Variants in SNX31 observed in about 807,000 individuals in gnomAD.
The protein encoded by SNX31 is sorting nexin-31.
In SNX31, 58 loss-of-function variants were observed where a neutral mutation model predicts 65.4. The ratio of observed to expected loss-of-function variants is 0.89; its 90% CI spans 0.72 to 1.10. The LOEUF is 1.10. SNX31 is among the 50% of genes least tolerant of loss of function. The pLI is 0.00. For missense variants in SNX31, 523 were observed against 529.7 expected, an observed-to-expected ratio of 0.99 and a Z score of 0.12; for synonymous variants, 181 against 190.1, an observed-to-expected ratio of 0.95 and a Z score of 0.39.
At chr8:100,598,280 AG>A (rs1447202019) in intron 9 of SNX31, among the ~76,000 whole-genome samples, 1 of 152,212 alleles carries the variant, frequency 6.6e-6, no homozygotes, top group Non-Finnish European at 1.5e-5. Flanking sequence ...CAGAAAGGAC[AG>A]GTTGTAAGTA....
chr8:100,625,515 G>A lies in SNX31; in HGVS notation c.321+4812C>T, dbSNP rs1817987687. ...TTCAACTCAATTCAACTCAAAAAGA[G>A]CACATATTTTGAAAAGTGTTAAGGT... On this transcript the variant is annotated intron_variant, in intron 4 of 13. Coordinates refer to ENST00000311812, the MANE Select transcript of SNX31 (RefSeq NM_152628.4). The surrounding 1 kb of genome is among the most constrained non-coding windows in gnomAD (Gnocchi z 4.2). 6.6e-6 allele frequency among the ~76,000 whole-genome samples: 1 copy of A among 152,124 alleles called. No individual in the cohort carries two copies. Among genetic ancestry groups the A allele is most frequent in the Non-Finnish European group, 1.5e-5 (1 of 68,036 alleles).
upstream of SNX31, among the ~76,000 whole-genome samples, chr8:100,653,674 T>G (rs1820011184): frequency 6.6e-6 from 1 of 152,166 alleles, no homozygotes; most frequent in Admixed American, 6.5e-5. Context: ...ATGAGAGAAT[T>G]CATTTCTGTG....
At chr8:100,640,828 A>T (rs7820993) in intron 2 of SNX31, among the ~76,000 whole-genome samples, 94,519 of 151,954 alleles carry the variant, frequency 0.62, 31,175 homozygotes, top group African/African-American at 0.85. Flanking sequence ...ACTGTTACAG[A>T]CAAGAGGAAC....
intron 10 of SNX31, 78 bp downstream of exon 10, chr8:100,596,561 C>G: frequency 4.9e-6 from 6 of 1,212,664 alleles, no homozygotes; most frequent in Non-Finnish European, 7.3e-6. Flanking sequence ...GCAAACCTGT[C>G]TCCCTAGTGT....
At chr8:100,633,470 C>T (rs535474115) in intron 3 of SNX31, among the ~76,000 whole-genome samples, 2 of 152,046 alleles carry the variant, frequency 1.3e-5, no homozygotes, top group Non-Finnish European at 2.9e-5. Flanking sequence ...ATGGTGTGAT[C>T]TTGGCTCACT....
rs151333490 is a variant in SNX31 at position 100,589,672 on chromosome 8, G to A, written c.979-693C>T. On this transcript the variant is annotated intron_variant, in intron 10 of 13. Transcript: ENST00000311812. ...TGAGGCATGTTGGAGACACTACAAG[G>A]GACTGTGCATGTGGCTGCAGTACAG... 7.2e-3 allele frequency among the ~76,000 whole-genome samples: 1,093 copies of A among 152,314 alleles called. 7 individuals carry two copies. The highest frequency in any genetic ancestry group is 0.018 in the African/African-American group (759 of 41,572).
chr8:100,621,881 G>A (rs531120250), intron 4 of SNX31, among the ~76,000 whole-genome samples: 5 of 152,238 alleles, frequency 3.3e-5, no homozygotes, highest in Admixed American at 1.3e-4. Context: ...TCACTCCCTC[G>A]GAAGAAGGAA....
chr8:100,612,917 A>C lies in SNX31; in HGVS notation c.523+78T>G. ...CAGCCCAGTGGGTGGCCAGCCCCTC[A>C]GCTGTGACTCCTATGAGCCCCTGCT... is the stretch of plus-strand genomic sequence containing the variant. On this transcript the variant is annotated intron_variant, in intron 6 of 13. Coordinates refer to ENST00000311812, the MANE Select transcript of SNX31 (RefSeq NM_152628.4). The surrounding 1 kb of genome is among the most constrained non-coding windows in gnomAD (Gnocchi z 4.3). 8.0e-7 allele frequency: 1 copy of C among 1,248,630 alleles called. No individual in the cohort carries two copies. Among genetic ancestry groups the C allele is most frequent in the Non-Finnish European group, 1.2e-6 (1 of 848,328 alleles). The allele number at this position is 1,248,630 out of a possible 1,614,324, so 77.3% of individuals were successfully genotyped here. A position where few individuals can be genotyped will look rare whatever the true frequency, so the allele number is the denominator to read the frequency against.
At chr8:100,633,214 C>T (rs1194393589) in intron 3 of SNX31, among the ~76,000 whole-genome samples, 3 of 152,090 alleles carry the variant, frequency 2.0e-5, no homozygotes, top group Admixed American at 6.5e-5. Flanking sequence ...CAGGCATGAG[C>T]TACCATGCCG....
At position 100,636,847 on chromosome 8, in the gene SNX31, G is replaced by A. The variant is rs558856266; in HGVS notation, c.142-836C>T. Among the ~76,000 whole-genome samples, 6 of 152,060 alleles carry A rather than the reference G, an allele frequency of 3.9e-5. No individual in the cohort carries two copies. In the South Asian group the frequency reaches 1.0e-3, roughly 26 times the overall value. On this transcript the variant is annotated intron_variant, in intron 2 of 13. Transcript: ENST00000311812. Reference sequence around the variant, plus strand: ...AGCAATTCTCCTGCCTCAGCCTCCCGAGTAGCTGGGGTTACAGACATTTGC... The same window carrying A: ...AGCAATTCTCCTGCCTCAGCCTCCCAAGTAGCTGGGGTTACAGACATTTGC...
At chr8:100,581,258 C>T (rs1484212319) in intron 12 of SNX31, among the ~76,000 whole-genome samples, 1 of 149,726 alleles carries the variant, frequency 6.7e-6, no homozygotes, top group East Asian at 1.9e-4. Context: ...ATGATTGCAC[C>T]ACTGCACTCC....
chr8:100,602,834 T>C (rs557004953), intron 8 of SNX31, among the ~76,000 whole-genome samples: 1 of 152,228 alleles, frequency 6.6e-6, no homozygotes, highest in Non-Finnish European at 1.5e-5. Flanking sequence ...TTAAAACTTA[T>C]GAATTGTTTA....
chr8:100,663,145 T>G (rs901340565), exon 1 of SNX31: 7 of 152,244 alleles, frequency 4.6e-5, no homozygotes, highest in African/African-American at 1.7e-4. Context: ...AACCTACCTT[T>G]CGCGCAGCGC....
At chr8:100,634,083 AT>A (rs1045719558) in intron 3 of SNX31, among the ~76,000 whole-genome samples, 7 of 152,174 alleles carry the variant, frequency 4.6e-5, no homozygotes, top group African/African-American at 1.7e-4. Context: ...CACTTTTCCA[AT>A]TTTAAAAACT....
intron 4 of SNX31, among the ~76,000 whole-genome samples, chr8:100,620,253 G>C (rs535642666): frequency 6.6e-6 from 1 of 152,268 alleles, no homozygotes; most frequent in East Asian, 1.9e-4. Context: ...GTGAGACCCT[G>C]TCTCCACCAT....
chr8:100,643,291 C>G (rs918794581), intron 2 of SNX31, among the ~76,000 whole-genome samples: 3 of 152,198 alleles, frequency 2.0e-5, no homozygotes, highest in South Asian at 2.1e-4. Context: ...CATGAAGAGG[C>G]CTTTACAGGC....
At chr8:100,615,964 T>C (rs773680751) in intron 5 of SNX31, among the ~76,000 whole-genome samples, 3 of 152,028 alleles carry the variant, frequency 2.0e-5, no homozygotes, top group East Asian at 1.9e-4. Flanking sequence ...TCAGTAGAGA[T>C]GTGGTCTCAC....
At position 100,613,051 on chromosome 8, in the gene SNX31, A is replaced by G; in HGVS notation, c.467T>C (p.Leu156Pro). The change falls in exon 6 of 14, where the codon CTC becomes CCC. Residue 156 changes from leucine to proline, a missense_variant. Leu to Pro is a moderately conservative substitution (Grantham distance 98, BLOSUM62 -3). Coordinates refer to ENST00000311812, the MANE Select transcript of SNX31 (RefSeq NM_152628.4). The surrounding 1 kb of genome is among the most constrained non-coding windows in gnomAD (Gnocchi z 5.2). ...GAGAAAGAGGCCGAAGTAGCCCAAG[A>G]GCTCTCGACACAGTCCAATTTTGTG... ...VSHKIGLCRE[L>P]LGYFGLFLIR... 6.2e-7 allele frequency: 1 copy of G among 1,614,012 alleles called. No individual in the cohort carries two copies. Among genetic ancestry groups the G allele is most frequent in the Non-Finnish European group, 8.5e-7 (1 of 1,179,998 alleles).
chr8:100,652,368 T>C (rs10086692), upstream of SNX31, among the ~76,000 whole-genome samples: 1,192 of 152,304 alleles, frequency 7.8e-3, 20 homozygotes, highest in African/African-American at 0.028. Flanking sequence ...AGGGGTATTT[T>C]AATTTACTCT....
Sources: allele counts gnomAD v4.1 joint callset (sites outside exome capture counted in the v4.1 genomes callset), GRCh38; gene constraint gnomAD v4.1.1; non-coding constraint Gnocchi (gnomAD v3.1); transcripts MANE v1.5; gene names NCBI Gene and HGNC (gene_info 2026-07-23, HGNC 2026-07-21).